The following COPA variants were observed in gnomAD, a reference collection of about 807,000 sequenced individuals.
COPA encodes coat protein complex I subunit alpha.
In COPA, 10 loss-of-function variants were observed where a neutral mutation model predicts 158.7. The observed-to-expected ratio is 0.06, with a 90% confidence interval of 0.04 to 0.11. The LOEUF is 0.11. COPA is among the 10% of genes least tolerant of loss of function. The probability of loss-of-function intolerance (pLI) is 1.00; values close to 1 mark genes in which losing one functional copy is unlikely to be tolerated. For synonymous variants in COPA, 462 were observed against 542.8 expected (o/e 0.85, Z 2.07); for missense variants, 1,065 against 1,536.7 (o/e 0.69, Z 5.13).
intron 8 of COPA, among the ~76,000 whole-genome samples, chr1:160,314,913 A>G (rs1002083350): frequency 6.6e-6 from 1 of 152,060 alleles, no homozygotes; most frequent in Non-Finnish European, 1.5e-5. Flanking sequence ...CTATGTTCAT[A>G]CTCCTCAAAA....
chr1:160,299,111 T>G lies in COPA; in HGVS notation c.1821A>C (p.Lys607Asn). ...CATCCTCACTTCATACCTCATCATA[T>G]TTTCTGTTGATCAGGGCCAGCTTGA... ...FKFKLALINR[K>N]YDEVLHMVRN... The change falls in exon 18 of 33, where the codon AAA becomes AAC. Residue 607 changes from lysine to asparagine, a missense_variant. By Grantham distance (94) the Lys-to-Asn change is moderately conservative (BLOSUM62 0). Coordinates refer to ENST00000241704, the MANE Select transcript of COPA (RefSeq NM_004371.4). The G allele has an allele frequency of 3.7e-6, 6 of 1,614,030 alleles. No individual in the cohort carries two copies. The South Asian group carries it at 5.5e-5, about 15-fold the overall frequency.
chr1:160,297,865 C>T (rs529200478), intron 19 of COPA, 120 bp from the exon 20 acceptor site: 1 of 1,086,132 alleles, frequency 9.2e-7, no homozygotes, highest in Non-Finnish European at 1.3e-6. Flanking sequence ...CTTTCAATTA[C>T]TCCTAGCTTT....
At chr1:160,331,198 T>C (rs1647496336) in intron 6 of COPA, among the ~76,000 whole-genome samples, 1 of 152,190 alleles carries the variant, frequency 6.6e-6, no homozygotes, top group Non-Finnish European at 1.5e-5. Flanking sequence ...TTCTCTACAT[T>C]TAAATTCTCT....
chr1:160,312,135 C>A, intron 10 of COPA, 117 bp from the exon 11 acceptor site: 1 of 908,570 alleles, frequency 1.1e-6, no homozygotes, highest in Non-Finnish European at 1.6e-6. Flanking sequence ...TGAATGCATC[C>A]CTTATTTGCC....
chr1:160,300,198 G>A (rs1179694683), intron 17 of COPA, among the ~76,000 whole-genome samples: 1 of 151,888 alleles, frequency 6.6e-6, no homozygotes, highest in Non-Finnish European at 1.5e-5. Flanking sequence ...AAATTAGCCA[G>A]GAGTGGTGGT....
At chr1:160,306,618 G>T in intron 14 of COPA, 125 bp from the exon 15 acceptor site, 1 of 1,199,454 alleles carries the variant, frequency 8.3e-7, no homozygotes, top group Non-Finnish European at 1.2e-6. Context: ...TCCTGTCCAT[G>T]TCAATTACCA....
At chr1:160,312,088 C>T (rs1181296938) in intron 10 of COPA, 70 bp from the exon 11 acceptor site, 9 of 1,511,542 alleles carry the variant, frequency 6.0e-6, no homozygotes, top group South Asian at 3.6e-5. Flanking sequence ...ATTGGAGATA[C>T]GTAAGGATGA....
chr1:160,305,838 C>T (rs1251671116), intron 15 of COPA, 65 bp from the exon 16 acceptor site: 4 of 1,282,808 alleles, frequency 3.1e-6, no homozygotes, highest in South Asian at 1.2e-5. Context: ...CTTTGATCTA[C>T]ATCAATTGCA....
intron 8 of COPA, among the ~76,000 whole-genome samples, chr1:160,322,193 C>T (rs1224117096): frequency 6.6e-6 from 1 of 152,180 alleles, no homozygotes. Context: ...AGGCATCACA[C>T]TACCTGACTT....
chr1:160,301,082 G>A (rs539298415), intron 17 of COPA, among the ~76,000 whole-genome samples: 61 of 152,114 alleles, frequency 4.0e-4, no homozygotes, highest in Middle Eastern at 6.8e-3. Flanking sequence ...GCTTGAACCC[G>A]GGAGGTGGAG....
rs115638159 is a variant in COPA, at chr1:160,304,311, A to G, written c.1667+1122T>C. ...TTACAGACGTGAGCCACCACGCCCA[A>G]CCCAAAAGGAAATTTTTATACCAAG... On this transcript the variant is annotated intron_variant, in intron 17 of 32. Coordinates refer to ENST00000241704, the MANE Select transcript of COPA (RefSeq NM_004371.4). Among the ~76,000 whole-genome samples the G allele has an allele frequency of 5.1e-3, 774 of 150,542 alleles. 6 individuals carry two copies. The highest frequency in any genetic ancestry group is 0.017 in the African/African-American group (710 of 41,166).
chr1:160,294,392 G>A, intron 25 of COPA, 92 bp downstream of exon 25: 1 of 1,081,080 alleles, frequency 9.3e-7, no homozygotes, highest in Non-Finnish European at 1.4e-6. Context: ...GATAGGATAG[G>A]AGACCTGAGG....
chr1:160,318,129 A>G (rs987389595), intron 8 of COPA, among the ~76,000 whole-genome samples: 31 of 152,196 alleles, frequency 2.0e-4, no homozygotes, highest in African/African-American at 7.5e-4. Flanking sequence ...AACTGTGGAA[A>G]AATGACCTTT....
intron 25 of COPA, among the ~76,000 whole-genome samples, chr1:160,294,129 C>T (rs1658327647): frequency 1.3e-5 from 2 of 152,192 alleles, no homozygotes; most frequent in Admixed American, 1.3e-4. Flanking sequence ...GACAAGGCCA[C>T]TAACTTTGAC....
intron 24 of COPA, 81 bp from the exon 25 acceptor site, chr1:160,294,674 G>T: frequency 6.3e-7 from 1 of 1,593,710 alleles, no homozygotes; most frequent in Non-Finnish European, 8.6e-7. Context: ...ATCCTAGTTC[G>T]TTTCATGGCC....
chr1:160,309,102 A>C lies in COPA; in HGVS notation c.1218T>G (p.Asp406Glu). 6.2e-7 allele frequency: 1 copy of C among 1,612,492 alleles called. No homozygotes were observed. The highest frequency in any genetic ancestry group is 8.5e-7 in the Non-Finnish European group (1 of 1,178,510). The change falls in exon 13 of 33, where the codon GAT becomes GAG. Residue 406 changes from aspartate to glutamate, a missense_variant and splice_region_variant. Physicochemically the swap from Asp to Glu is conservative, Grantham distance 45. Coordinates refer to ENST00000241704, the MANE Select transcript of COPA (RefSeq NM_004371.4). ...GGGGTAGACAAAAAGAACACTTACC[A>C]TCAGGATTCTGGGAGTCAGCATCTT... ...IPKDADSQNP[D>E]APEGKRSSGL...
At chr1:160,330,461 CTT>C (rs766126279) in intron 6 of COPA, among the ~76,000 whole-genome samples, 3 of 152,206 alleles carry the variant, frequency 2.0e-5, no homozygotes, top group Non-Finnish European at 4.4e-5. Flanking sequence ...TCCAATACCT[CTT>C]GTTTATACTC....
chr1:160,325,454 T>C (rs1440683237), intron 7 of COPA, 89 bp downstream of exon 7: 1 of 1,106,280 alleles, frequency 9.0e-7, no homozygotes, highest in East Asian at 2.4e-5. Context: ...TCTGTAAATA[T>C]TTGTTGAAGG....
chr1:160,290,995 A>G lies in COPA; in HGVS notation c.3421-309T>C, dbSNP rs150269436. On this transcript the variant is annotated intron_variant, in intron 31 of 32. Coordinates refer to ENST00000241704, the MANE Select transcript of COPA (RefSeq NM_004371.4). Reference sequence around the variant, plus strand: ...GACTTCCATCACCCAAAAAGAATGCATTTGGAGGACACAAGTAATGAGATG... The same window carrying G: ...GACTTCCATCACCCAAAAAGAATGCGTTTGGAGGACACAAGTAATGAGATG... 2.0e-5 allele frequency among the ~76,000 whole-genome samples: 3 copies of G among 152,314 alleles called. No individual in the cohort carries two copies. In the East Asian group the frequency reaches 5.8e-4, roughly 29 times the overall value.
Sources: allele counts gnomAD v4.1 joint callset (sites outside exome capture counted in the v4.1 genomes callset), GRCh38; gene constraint gnomAD v4.1.1; transcripts MANE v1.5; gene names NCBI Gene and HGNC (gene_info 2026-07-23, HGNC 2026-07-21).